Variants in NFIB observed in about 807,000 individuals in gnomAD.
NFIB encodes nuclear factor I B, also known as nuclear factor 1 B-type.
NFIB carries 11 observed loss-of-function variants against 61.5 expected under a neutral mutation model. The ratio of observed to expected loss-of-function variants is 0.18; its 90% CI spans 0.11 to 0.30. The LOEUF (loss-of-function observed/expected upper bound fraction) is 0.30, where lower values mean the gene tolerates loss of function less well. Ranked by LOEUF, NFIB falls within the 10% of genes least tolerant of loss-of-function variation. The pLI is 1.00. For missense variants in NFIB, 471 were observed against 608.9 expected, an observed-to-expected ratio of 0.77 and a Z score of 2.38; for synonymous variants, 260 against 216.5, an observed-to-expected ratio of 1.20 and a Z score of -1.76.
intron 10 of NFIB, chr9:14,094,401 T>C (rs559634002): frequency 1.3e-5 from 2 of 152,112 alleles, no homozygotes; most frequent in African/African-American, 4.8e-5. Flanking sequence ...GTCTTACATA[T>C]GTGCAGATGT....
intron 1 of NFIB, among the ~76,000 whole-genome samples, chr9:14,328,322 T>G (rs1451480632): frequency 6.6e-6 from 1 of 152,146 alleles, no homozygotes. Flanking sequence ...TTTTTACATT[T>G]TTTTGTAGAG....
chr9:14,226,067 T>C (rs1801756880), intron 2 of NFIB, among the ~76,000 whole-genome samples: 3 of 151,986 alleles, frequency 2.0e-5, no homozygotes, highest in East Asian at 1.9e-4. Flanking sequence ...ATTGGGAAGG[T>C]ATGTACTATA....
At chr9:14,112,964 G>A in intron 10 of NFIB, 35 bp downstream of exon 10, 1 of 1,543,470 alleles carries the variant, frequency 6.5e-7, no homozygotes, top group Non-Finnish European at 8.8e-7. Flanking sequence ...GCGAAAGCGT[G>A]GCTACACCGT....
intron 2 of NFIB, among the ~76,000 whole-genome samples, chr9:14,287,791 T>C (rs2058817230): frequency 6.6e-6 from 1 of 152,064 alleles, no homozygotes; most frequent in African/African-American, 2.4e-5. Flanking sequence ...AGAGGCATCA[T>C]TTACAGAGAA....
At chr9:14,169,359 T>G (rs934660291) in intron 3 of NFIB, among the ~76,000 whole-genome samples, 2 of 152,002 alleles carry the variant, frequency 1.3e-5, no homozygotes, top group African/African-American at 4.8e-5. Flanking sequence ...GAATCAGGAA[T>G]TAAAATATCT....
chr9:14,139,142 T>C (rs1350132641), intron 6 of NFIB, among the ~76,000 whole-genome samples: 3 of 152,138 alleles, frequency 2.0e-5, no homozygotes, highest in Non-Finnish European at 4.4e-5. Flanking sequence ...GGCTGCAGGA[T>C]AACAGAAAAT....
chr9:14,322,487 G>A lies in NFIB; in HGVS notation c.109-14967C>T, dbSNP rs759602027. 1.9e-3 allele frequency: 438 copies of A among 229,156 alleles called. 2 individuals carry two copies. Among genetic ancestry groups the A allele is most frequent in the Non-Finnish European group, 3.2e-3 (370 of 115,414 alleles). 14.2% of individuals were successfully genotyped at this position (229,156 alleles called of 1,614,324 possible). A position where few individuals can be genotyped will look rare whatever the true frequency, so the allele number is the denominator to read the frequency against. On this transcript the variant is annotated intron_variant, in intron 1 of 8. Coordinates refer to the NFIB transcript ENST00000380934. ...CCTGGCCCGCGGCGGGGCTGCCCCG[G>A]AACCGCCACCCAGCAGCGCACCCTT... is the stretch of plus-strand genomic sequence containing the variant.
intron 1 of NFIB, among the ~76,000 whole-genome samples, chr9:14,334,149 G>C (rs982370666): frequency 1.3e-5 from 2 of 152,120 alleles, no homozygotes; most frequent in African/African-American, 4.8e-5. Context: ...CCAGTTTGAG[G>C]CCAATATAAA....
At chr9:14,396,599 A>G (rs1588421349) in intron 1 of NFIB, among the ~76,000 whole-genome samples, 1 of 152,186 alleles carries the variant, frequency 6.6e-6, no homozygotes, top group East Asian at 1.9e-4. Context: ...TAACTGTGGG[A>G]AAAATTGGCA....
chr9:14,204,682 G>C (rs139545842), intron 2 of NFIB: 7 of 628,884 alleles, frequency 1.1e-5, no homozygotes, highest in Non-Finnish European at 1.7e-5. Flanking sequence ...TCACCACCTT[G>C]GTGTAGAATA....
chr9:14,465,786 A>G, the NFIB span, among the ~76,000 whole-genome samples: 2 of 152,044 alleles, frequency 1.3e-5, no homozygotes, highest in Non-Finnish European at 2.9e-5. Context: ...GGCCGAGACA[A>G]TTCTTGGTGT....
intron 2 of NFIB, chr9:14,204,612 C>A: frequency 1.2e-6 from 1 of 845,532 alleles, no homozygotes. Context: ...GAGAAGAAAG[C>A]GCCGGCAAAG....
chr9:14,153,876 G>A (rs1203798729), intron 4 of NFIB, among the ~76,000 whole-genome samples: 4 of 152,096 alleles, frequency 2.6e-5, no homozygotes. Context: ...CACTTAGGAG[G>A]AGAACTTATC....
intron 1 of NFIB, among the ~76,000 whole-genome samples, chr9:14,371,947 T>C (rs996906326): frequency 6.6e-6 from 1 of 152,116 alleles, no homozygotes; most frequent in Admixed American, 6.5e-5. Context: ...TCCTGGATGC[T>C]CCCCACTCTG....
the NFIB span, among the ~76,000 whole-genome samples, chr9:14,418,600 T>C: frequency 6.6e-6 from 1 of 152,192 alleles, no homozygotes; most frequent in Non-Finnish European, 1.5e-5. Context: ...GTGTGAGCCC[T>C]GTGTCTCTAC....
chr9:14,450,165 T>C, the NFIB span, among the ~76,000 whole-genome samples: 4 of 152,084 alleles, frequency 2.6e-5, no homozygotes, highest in East Asian at 7.7e-4. Flanking sequence ...TTCCGCTCCC[T>C]GTGTCCATGT....
At chr9:14,209,908 C>T (rs1734953921) in intron 2 of NFIB, among the ~76,000 whole-genome samples, 1 of 151,426 alleles carries the variant, frequency 6.6e-6, no homozygotes, top group African/African-American at 2.4e-5. Flanking sequence ...CTAAAAAAAA[C>T]CTGGTTGCTT....
the NFIB span, among the ~76,000 whole-genome samples, chr9:14,491,225 T>C: frequency 1.3e-5 from 2 of 152,178 alleles, no homozygotes; most frequent in African/African-American, 2.4e-5. Flanking sequence ...CTGAGAACCA[T>C]ATATGCACAC....
intron 6 of NFIB, among the ~76,000 whole-genome samples, chr9:14,136,582 C>T (rs1056440460): frequency 6.6e-6 from 1 of 152,148 alleles, no homozygotes; most frequent in Non-Finnish European, 1.5e-5. Context: ...TGCTACAAGA[C>T]ATCTCAAGGT....
Sources: allele counts gnomAD v4.1 joint callset (sites outside exome capture counted in the v4.1 genomes callset), GRCh38; gene constraint gnomAD v4.1.1; transcripts MANE v1.5; gene names NCBI Gene and HGNC (gene_info 2026-07-23, HGNC 2026-07-21).